ATRNL1: variants seen among roughly 807,000 people sequenced by gnomAD.
ATRNL1 encodes attractin-like protein 1.
A neutral mutation model predicts 182.7 loss-of-function variants in ATRNL1; 95 were observed. The ratio of observed to expected loss-of-function variants is 0.52; its 90% CI spans 0.44 to 0.62. ATRNL1 has a LOEUF of 0.62. Ranked by LOEUF, ATRNL1 falls within the 20% of genes least tolerant of loss-of-function variation. The pLI is 0.00. For synonymous variants in ATRNL1, 576 were observed against 568.3 expected, an observed-to-expected ratio of 1.01 and a Z score of -0.19; for missense variants, 1,471 against 1,679.5, an observed-to-expected ratio of 0.88 and a Z score of 2.17.
chr10:115,545,227 T>G, intron 25 of ATRNL1, among the ~76,000 whole-genome samples: 1 of 99,720 alleles, frequency 1.0e-5, no homozygotes, highest in South Asian at 3.5e-4. Context: ...AGAGCGAGAC[T>G]CCGTATCAAA....
intron 19 of ATRNL1, among the ~76,000 whole-genome samples, chr10:115,348,337 A>G (rs1856070900): frequency 6.6e-6 from 1 of 152,152 alleles, no homozygotes; most frequent in Non-Finnish European, 1.5e-5. Context: ...TTTATGTTGT[A>G]ATGGTAAGTC....
At position 115,366,071 on chromosome 10, in the gene ATRNL1, C is replaced by T. The variant is rs1396465825; in HGVS notation, c.3176-28588C>T. 8.6e-5 allele frequency among the ~76,000 whole-genome samples: 13 copies of T among 151,808 alleles called. No individual in the cohort carries two copies. In the East Asian group the frequency reaches 2.5e-3, roughly 29 times the overall value. ...GAGCTGAGTTCAATTCCTGGGTATC[C>T]TTGTTGACTTTCTGTCTCGTTGATC... On this transcript the variant is annotated intron_variant, in intron 19 of 28. Coordinates refer to ENST00000355044, the MANE Select transcript of ATRNL1 (RefSeq NM_207303.4).
chr10:115,632,864 TTTTTATTTTA>T (rs10530158), intron 26 of ATRNL1, among the ~76,000 whole-genome samples: 71 of 136,568 alleles, frequency 5.2e-4, no homozygotes, highest in African/African-American at 8.6e-4. Context: ...TCACATTAAC[TTTTTATTTTA>T]TTTTATTTTA....
At chr10:115,235,359 C>T (rs1002299159) in intron 9 of ATRNL1, among the ~76,000 whole-genome samples, 25 of 152,040 alleles carry the variant, frequency 1.6e-4, no homozygotes, top group African/African-American at 5.8e-4. Context: ...TTCCATCAGC[C>T]CCAAAAGAAA....
intron 26 of ATRNL1, among the ~76,000 whole-genome samples, chr10:115,663,821 C>T (rs926618898): frequency 5.9e-5 from 9 of 151,970 alleles, no homozygotes; most frequent in African/African-American, 1.7e-4. Flanking sequence ...AACTGAAGAG[C>T]GTCATGAATT....
intron 26 of ATRNL1, among the ~76,000 whole-genome samples, chr10:115,627,764 A>T (rs1302116244): frequency 6.6e-6 from 1 of 152,160 alleles, no homozygotes. Context: ...GCTGCTAAGA[A>T]CACGAGTGTA....
At chr10:115,848,051 T>A in intron 28 of ATRNL1, 60 bp downstream of exon 28, 1 of 918,438 alleles carries the variant, frequency 1.1e-6, no homozygotes, top group Non-Finnish European at 1.8e-6. Flanking sequence ...ACAGAAGAAA[T>A]AAACAATACC....
intron 8 of ATRNL1, among the ~76,000 whole-genome samples, chr10:115,188,920 T>G (rs2144219128): frequency 6.6e-6 from 1 of 152,286 alleles, no homozygotes; most frequent in East Asian, 1.9e-4. Context: ...AAAATTTTAT[T>G]ATGTGTTGCA....
At chr10:115,629,680 C>A (rs1195837146) in intron 26 of ATRNL1, among the ~76,000 whole-genome samples, 1 of 152,136 alleles carries the variant, frequency 6.6e-6, no homozygotes, top group Admixed American at 6.6e-5. Context: ...ATCACTGAAT[C>A]ATTAGTTGAA....
chr10:115,254,544 T>C (rs1187873939), intron 10 of ATRNL1, among the ~76,000 whole-genome samples: 1 of 151,860 alleles, frequency 6.6e-6, no homozygotes, highest in Non-Finnish European at 1.5e-5. Context: ...TAGCCCTTTG[T>C]CAGATGGGTA....
chr10:115,153,338 G>T lies in ATRNL1; in HGVS notation c.830-6702G>T, dbSNP rs929386909. On this transcript the variant is annotated intron_variant, in intron 5 of 28. Coordinates refer to ENST00000355044, the MANE Select transcript of ATRNL1 (RefSeq NM_207303.4). ...TCTGGTAGAATTCGGCTGTGAATGT[G>T]TCTGGTCCTGGACATTTTTTGGTTG... Among the ~76,000 whole-genome samples, 19 of 152,048 alleles carry T rather than the reference G, an allele frequency of 1.2e-4. No individual in the cohort carries two copies. In the East Asian group the frequency reaches 3.7e-3, roughly 29 times the overall value.
intron 26 of ATRNL1, among the ~76,000 whole-genome samples, chr10:115,686,596 CA>C (rs1411185796): frequency 6.6e-6 from 1 of 151,950 alleles, no homozygotes; most frequent in Non-Finnish European, 1.5e-5. Context: ...GCTTGCAAGG[CA>C]CATTAATAGG....
At chr10:115,618,679 T>C (rs1555021634) in intron 26 of ATRNL1, among the ~76,000 whole-genome samples, 1 of 152,202 alleles carries the variant, frequency 6.6e-6, no homozygotes, top group Non-Finnish European at 1.5e-5. Context: ...TTTGGATTTT[T>C]ATAATGATAT....
chr10:115,245,586 T>C (rs1850601431), intron 10 of ATRNL1, among the ~76,000 whole-genome samples: 1 of 151,560 alleles, frequency 6.6e-6, no homozygotes, highest in South Asian at 2.1e-4. Context: ...GAGTGATATA[T>C]ATGTATACAT....
chr10:115,396,334 G>T, intron 20 of ATRNL1, among the ~76,000 whole-genome samples: 1 of 151,906 alleles, frequency 6.6e-6, no homozygotes, highest in East Asian at 1.9e-4. Context: ...CTAATACTTT[G>T]CAACACTAAA....
At chr10:115,336,980 G>GT (rs1264929005) in intron 19 of ATRNL1, among the ~76,000 whole-genome samples, 1 of 13,250 alleles carries the variant, frequency 7.5e-5, no homozygotes, top group African/African-American at 7.7e-4. Context: ...CAAGTAGCTG[G>GT]GGGGGGGGGA....
intron 24 of ATRNL1, among the ~76,000 whole-genome samples, chr10:115,484,976 T>G (rs1342122595): frequency 6.6e-6 from 1 of 151,822 alleles, no homozygotes; most frequent in African/African-American, 2.4e-5. Context: ...AGAATCACTA[T>G]GTGAGCGAAA....
rs192398912 is a variant in ATRNL1, at chr10:115,693,495, A to T, written c.3796-33753A>T. On this transcript the variant is annotated intron_variant, in intron 26 of 28. Transcript: ENST00000355044. ...CCAAATTACTCACAAGCTGAAATGT[A>T]AGACAATTCAAGATTAAAAACGCTA... Among the ~76,000 whole-genome samples, 114 of 152,262 alleles carry T rather than the reference A, an allele frequency of 7.5e-4. 1 individual carries two copies. The highest frequency in any genetic ancestry group is 2.5e-3 in the African/African-American group (102 of 41,566).
At chr10:115,540,382 A>C (rs1592819444) in intron 25 of ATRNL1, among the ~76,000 whole-genome samples, 1 of 152,078 alleles carries the variant, frequency 6.6e-6, no homozygotes, top group Admixed American at 6.6e-5. Context: ...AAAACAAATT[A>C]TCTCTCTAGA....
Sources: allele counts gnomAD v4.1 joint callset (sites outside exome capture counted in the v4.1 genomes callset), GRCh38; gene constraint gnomAD v4.1.1; transcripts MANE v1.5; gene names NCBI Gene and HGNC (gene_info 2026-07-23, HGNC 2026-07-21).